ARHGAP10: variants seen among roughly 807,000 people sequenced by gnomAD.
ARHGAP10 encodes rho GTPase-activating protein 10.
Under a neutral mutation model 108.6 loss-of-function variants are expected in ARHGAP10, and 87 were observed. The observed-to-expected ratio is 0.80, with a 90% CI of 0.67 to 0.96. ARHGAP10 has a LOEUF of 0.96. Among genes scored for constraint, ARHGAP10 ranks in the 40% least tolerant of loss-of-function variants. The pLI is 0.00. For missense variants in ARHGAP10, 939 were observed against 954.5 expected (o/e 0.98, Z 0.21); for synonymous variants, 347 against 341.1 (o/e 1.02, Z -0.19).
intron 7 of ARHGAP10, among the ~76,000 whole-genome samples, chr4:147,867,499 A>G (rs925560053): frequency 6.6e-6 from 1 of 152,226 alleles, no homozygotes; most frequent in South Asian, 2.1e-4. Flanking sequence ...CTCACAGCAC[A>G]TAGTGAAAGA....
chr4:147,850,572 C>G (rs1213033712), intron 4 of ARHGAP10, among the ~76,000 whole-genome samples: 1 of 152,126 alleles, frequency 6.6e-6, no homozygotes, highest in Non-Finnish European at 1.5e-5. Flanking sequence ...CCTAAGTCAG[C>G]AAGACCACGA....
intron 1 of ARHGAP10, among the ~76,000 whole-genome samples, chr4:147,779,221 G>T (rs80146386): frequency 0.046 from 6,952 of 152,158 alleles, 189 homozygotes; most frequent in South Asian, 0.097. Flanking sequence ...TGTAAGCTGC[G>T]GCCAGAGGAG....
intron 18 of ARHGAP10, among the ~76,000 whole-genome samples, chr4:147,988,016 A>T (rs1304242967): frequency 1.3e-5 from 2 of 152,222 alleles, no homozygotes; most frequent in African/African-American, 4.8e-5. Flanking sequence ...AGTGTGAGGC[A>T]CTTGCAGTTC....
chr4:147,863,635 T>G, intron 5 of ARHGAP10: 1 of 152,192 alleles, frequency 6.6e-6, no homozygotes, highest in Admixed American at 6.5e-5. Context: ...GGTAATACTA[T>G]TTTTCATTTG....
At chr4:147,901,175 AATTG>A (rs1168776244) in intron 10 of ARHGAP10, among the ~76,000 whole-genome samples, 1 of 152,202 alleles carries the variant, frequency 6.6e-6, no homozygotes, top group Admixed American at 6.5e-5. Flanking sequence ...TGTCCTAAGC[AATTG>A]ATTATTAGAA....
At chr4:147,994,407 C>T (rs1243076621) in intron 18 of ARHGAP10, among the ~76,000 whole-genome samples, 6 of 152,244 alleles carry the variant, frequency 3.9e-5, no homozygotes, top group South Asian at 4.1e-4. Context: ...TGGTGTTTGT[C>T]GTCATTATTA....
intron 20 of ARHGAP10, among the ~76,000 whole-genome samples, chr4:148,058,198 G>C (rs17024294): frequency 0.023 from 3,467 of 152,268 alleles, 120 homozygotes; most frequent in African/African-American, 0.079. Flanking sequence ...GACTTATGCT[G>C]TATGTTTCCC....
chr4:147,740,050 T>C (rs1462685622), intron 1 of ARHGAP10, among the ~76,000 whole-genome samples: 2 of 145,090 alleles, frequency 1.4e-5, no homozygotes, highest in South Asian at 2.2e-4. Context: ...TGGGTTACTT[T>C]TTTTTTTTTT....
intron 13 of ARHGAP10, among the ~76,000 whole-genome samples, chr4:147,936,350 C>T: frequency 2.2e-5 from 2 of 92,324 alleles, no homozygotes; most frequent in Admixed American, 1.8e-4. Flanking sequence ...GAGATGGAGT[C>T]TTGCTCTGTC....
chr4:147,856,374 A>G (rs59845678), intron 4 of ARHGAP10, among the ~76,000 whole-genome samples: 7,114 of 152,178 alleles, frequency 0.047, 526 homozygotes, highest in African/African-American at 0.16. Flanking sequence ...TACAGAAATC[A>G]CTGGAAAGGT....
intron 13 of ARHGAP10, among the ~76,000 whole-genome samples, chr4:147,923,512 A>C (rs544222977): frequency 9.2e-5 from 14 of 152,224 alleles, no homozygotes; most frequent in Admixed American, 1.3e-4. Flanking sequence ...AATCTTCCAT[A>C]TGTGGATAAT....
intron 21 of ARHGAP10, among the ~76,000 whole-genome samples, chr4:148,063,538 T>G (rs1729720475): frequency 6.6e-6 from 1 of 152,224 alleles, no homozygotes; most frequent in Admixed American, 6.5e-5. Flanking sequence ...CTACTCTGTC[T>G]TTGTGGTGCT....
intron 19 of ARHGAP10, among the ~76,000 whole-genome samples, chr4:148,040,821 G>A (rs190707681): frequency 3.3e-5 from 5 of 151,880 alleles, no homozygotes; most frequent in Non-Finnish European, 7.4e-5. Context: ...ATTTGGGGGG[G>A]GTTATTTGGT....
At position 148,063,219 on chromosome 4, in the gene ARHGAP10, C is replaced by T. The variant is rs1348240844; in HGVS notation, c.2099C>T (p.Ser700Leu). Reference protein sequence around the residue: ...PQSPTTTSSNSAVTPLSPGSS... With the variant: ...PQSPTTTSSNLAVTPLSPGSS... ...TCTCCAACCACAACAAGCTCCAACT[C>T]AGCTGTGACACCTCTTTCACCCGGG... is the stretch of plus-strand genomic sequence containing the variant. The change falls in exon 21 of 23, where the codon TCA becomes TTA. Residue 700 changes from serine to leucine, a missense_variant. Coordinates refer to ENST00000336498, the MANE Select transcript of ARHGAP10 (RefSeq NM_024605.4). 6.2e-7 allele frequency: 1 copy of T among 1,614,198 alleles called. No homozygotes were observed. Among genetic ancestry groups the T allele is most frequent in the East Asian group, 2.2e-5 (1 of 44,890 alleles).
intron 16 of ARHGAP10, among the ~76,000 whole-genome samples, chr4:147,962,308 A>G (rs1277014806): frequency 6.6e-6 from 1 of 152,228 alleles, no homozygotes; most frequent in Admixed American, 6.5e-5. Flanking sequence ...CGTAGCGCTC[A>G]AATAATAATA....
chr4:148,014,943 T>G (rs1251744391), intron 18 of ARHGAP10, among the ~76,000 whole-genome samples: 1 of 152,240 alleles, frequency 6.6e-6, no homozygotes, highest in Non-Finnish European at 1.5e-5. Flanking sequence ...GTTTTAGTTG[T>G]AAACCTAAGT....
chr4:147,781,681 C>CTTTTTTTTT (rs56781517), intron 1 of ARHGAP10, among the ~76,000 whole-genome samples: 1 of 130,586 alleles, frequency 7.7e-6, no homozygotes, highest in African/African-American at 2.9e-5. Context: ...CTTTTCTTTT[C>CTTTTTTTTT]TTTTTTTTTT....
chr4:147,805,893 A>G (rs1731762378), intron 1 of ARHGAP10, among the ~76,000 whole-genome samples: 1 of 152,242 alleles, frequency 6.6e-6, no homozygotes, highest in African/African-American at 2.4e-5. Flanking sequence ...ATGAAACTTT[A>G]TGCTAACACA....
chr4:147,912,788 G>A (rs1736811740), intron 12 of ARHGAP10, among the ~76,000 whole-genome samples: 1 of 149,500 alleles, frequency 6.7e-6, no homozygotes, highest in Admixed American at 6.7e-5. Flanking sequence ...TGGGACTACA[G>A]GCACCCATCA....
Sources: allele counts gnomAD v4.1 joint callset (sites outside exome capture counted in the v4.1 genomes callset), GRCh38; gene constraint gnomAD v4.1.1; transcripts MANE v1.5; gene names NCBI Gene and HGNC (gene_info 2026-07-23, HGNC 2026-07-21).